PACSIN2: variants seen among roughly 807,000 people sequenced by gnomAD.
The protein encoded by PACSIN2 is protein kinase C and casein kinase substrate in neurons 2, also known as protein kinase C and casein kinase substrate in neurons protein 2.
In PACSIN2, 25 loss-of-function variants were observed where a neutral mutation model predicts 63.8. The ratio of observed to expected loss-of-function variants is 0.39; its 90% CI spans 0.29 to 0.55. The LOEUF (loss-of-function observed/expected upper bound fraction) is 0.55. Among genes scored for constraint, PACSIN2 ranks in the 20% least tolerant of loss-of-function variants. The pLI, the probability that PACSIN2 is intolerant of heterozygous loss-of-function variation, is 0.62. For missense variants in PACSIN2, 518 were observed against 646.9 expected, an observed-to-expected ratio of 0.80 and a Z score of 2.16; for synonymous variants, 255 against 256.2, an observed-to-expected ratio of 1.00 and a Z score of 0.05.
rs1010437474 is a variant in PACSIN2, at chr22:42,972,144, C to T, written c.-78+42877G>A. On this transcript the variant is annotated intron_variant, in intron 1 of 10. Transcript: ENST00000263246. ...GGAAAGAAGTAGACATAGGAGACTC[C>T]ATTTTGTTCTGTGCTAGGAAAGATT... is the stretch of plus-strand genomic sequence containing the variant. 3.9e-5 allele frequency among the ~76,000 whole-genome samples: 6 copies of T among 152,332 alleles called. 1 individual carries two copies. Among genetic ancestry groups the T allele is most frequent in the East Asian group, 3.9e-4 (2 of 5,188 alleles).
At chr22:42,961,280 CTT>C (rs1217749286) in intron 1 of PACSIN2, among the ~76,000 whole-genome samples, 1 of 152,214 alleles carries the variant, frequency 6.6e-6, no homozygotes, top group African/African-American at 2.4e-5. Context: ...TTAAAAATCT[CTT>C]TTGAAAATCT....
intron 1 of PACSIN2, chr22:42,993,607 G>A (rs1422208523): frequency 1.3e-5 from 2 of 152,150 alleles, no homozygotes; most frequent in Non-Finnish European, 2.9e-5. Flanking sequence ...CCCAAGAAAG[G>A]GCAGCTGCTA....
At chr22:42,902,311 G>A (rs1160048712) in intron 2 of PACSIN2, among the ~76,000 whole-genome samples, 3 of 152,204 alleles carry the variant, frequency 2.0e-5, no homozygotes, top group Non-Finnish European at 4.4e-5. Context: ...CACGGAGAGT[G>A]AGCTGGGGGC....
At chr22:42,984,564 G>A (rs1210061278) in intron 1 of PACSIN2, among the ~76,000 whole-genome samples, 1 of 152,182 alleles carries the variant, frequency 6.6e-6, no homozygotes, top group Non-Finnish European at 1.5e-5. Context: ...GCACTGCCCT[G>A]ACCCAGGCCA....
chr22:42,960,071 C>A (rs143482042), intron 1 of PACSIN2, among the ~76,000 whole-genome samples: 1 of 152,148 alleles, frequency 6.6e-6, no homozygotes, highest in Admixed American at 6.5e-5. Flanking sequence ...AGTATTTCCA[C>A]GGAAAATCAG....
chr22:42,884,731 G>A (rs1929349828), intron 5 of PACSIN2, among the ~76,000 whole-genome samples, 170 bp from the exon 6 acceptor site: 1 of 152,208 alleles, frequency 6.6e-6, no homozygotes, highest in Non-Finnish European at 1.5e-5. Flanking sequence ...CTCCTGCAAG[G>A]TGAATCACAC....
At chr22:42,928,756 C>G (rs9611968) in intron 1 of PACSIN2, among the ~76,000 whole-genome samples, 1 of 152,034 alleles carries the variant, frequency 6.6e-6, no homozygotes, top group Non-Finnish European at 1.5e-5. Flanking sequence ...TACCTCTAAA[C>G]AAACAAAATC....
chr22:42,998,727 C>G (rs1923571097), intron 1 of PACSIN2, among the ~76,000 whole-genome samples: 1 of 152,166 alleles, frequency 6.6e-6, no homozygotes, highest in Admixed American at 6.5e-5. Flanking sequence ...ACCCAAGGCC[C>G]TAAATGAGAA....
intron 4 of PACSIN2, 88 bp from the exon 5 acceptor site, chr22:42,888,886 C>T (rs971014658): frequency 1.4e-6 from 2 of 1,380,630 alleles, no homozygotes; most frequent in Non-Finnish European, 2.0e-6. Context: ...AATGCTTGTG[C>T]TACCAAGAGG....
At chr22:42,878,125 G>T (rs1478422454) in intron 8 of PACSIN2, among the ~76,000 whole-genome samples, 1 of 152,148 alleles carries the variant, frequency 6.6e-6, no homozygotes, top group African/African-American at 2.4e-5. Context: ...TGGTGGGGGC[G>T]GCTGGATTGT....
At chr22:42,951,680 C>T (rs887235506) in intron 1 of PACSIN2, among the ~76,000 whole-genome samples, 1 of 152,206 alleles carries the variant, frequency 6.6e-6, no homozygotes, top group African/African-American at 2.4e-5. Context: ...CAAAACAGAG[C>T]CAGAATGTGG....
chr22:42,880,492 G>C (rs954929013), intron 7 of PACSIN2: 1 of 152,154 alleles, frequency 6.6e-6, no homozygotes, highest in Non-Finnish European at 1.5e-5. Flanking sequence ...CAATACCCCT[G>C]ACAGCAGCGC....
chr22:42,979,094 T>C (rs957273499), intron 1 of PACSIN2, among the ~76,000 whole-genome samples: 4 of 152,144 alleles, frequency 2.6e-5, no homozygotes, highest in Non-Finnish European at 5.9e-5. Flanking sequence ...CAAAGCTCCA[T>C]TGCCTAGGAG....
At chr22:43,005,691 C>T (rs1484772176) in intron 1 of PACSIN2, among the ~76,000 whole-genome samples, 1 of 152,178 alleles carries the variant, frequency 6.6e-6, no homozygotes, top group Admixed American at 6.5e-5. Context: ...GGCAAATTCA[C>T]TTACGTAGAC....
chr22:42,922,390 T>C (rs1932252780), intron 1 of PACSIN2, among the ~76,000 whole-genome samples: 2 of 148,408 alleles, frequency 1.3e-5, no homozygotes, highest in South Asian at 2.2e-4. Context: ...AAGGCTATTT[T>C]CATAAAGCAA....
At chr22:42,938,584 C>G (rs2146796053) in intron 1 of PACSIN2, among the ~76,000 whole-genome samples, 1 of 152,328 alleles carries the variant, frequency 6.6e-6, no homozygotes, top group South Asian at 2.1e-4. Context: ...GCTGTCCAAA[C>G]ATGAAGAATG....
intron 1 of PACSIN2, among the ~76,000 whole-genome samples, chr22:43,006,542 C>T (rs1232949625): frequency 2.6e-5 from 4 of 152,104 alleles, no homozygotes; most frequent in Admixed American, 6.6e-5. Flanking sequence ...CAGCCAGGCA[C>T]GGTGGCTCAT....
intron 1 of PACSIN2, among the ~76,000 whole-genome samples, chr22:42,924,978 C>T (rs1319822132): frequency 3.3e-5 from 5 of 151,504 alleles, no homozygotes; most frequent in East Asian, 2.0e-4. Flanking sequence ...AGGATGATCT[C>T]GATCTCCTGA....
At chr22:42,995,822 G>A (rs1406507892) in intron 1 of PACSIN2, among the ~76,000 whole-genome samples, 1 of 152,172 alleles carries the variant, frequency 6.6e-6, no homozygotes, top group Non-Finnish European at 1.5e-5. Flanking sequence ...CCAGCGCTCT[G>A]GGAAGCCGGG....
Sources: allele counts gnomAD v4.1 joint callset (sites outside exome capture counted in the v4.1 genomes callset), GRCh38; gene constraint gnomAD v4.1.1; transcripts MANE v1.5; gene names NCBI Gene and HGNC (gene_info 2026-07-23, HGNC 2026-07-21).